DOCK2: variants seen among roughly 807,000 people sequenced by gnomAD.
DOCK2 encodes dedicator of cytokinesis protein 2.
Under a neutral mutation model 248.9 loss-of-function variants are expected in DOCK2, and 87 were observed. The observed-to-expected ratio is 0.35, with a 90% CI of 0.29 to 0.42. The LOEUF is 0.42. Ranked by LOEUF, DOCK2 falls within the 10% of genes least tolerant of loss-of-function variation. DOCK2 has a pLI of 1.00. For synonymous variants in DOCK2, 805 were observed against 821.6 expected (o/e 0.98, Z 0.35); for missense variants, 1,747 against 2,300.2 (o/e 0.76, Z 4.92).
At chr5:169,893,756 C>T (rs1773430260) in intron 27 of DOCK2, among the ~76,000 whole-genome samples, 1 of 152,202 alleles carries the variant, frequency 6.6e-6, no homozygotes, top group Admixed American at 6.5e-5. Flanking sequence ...CAGATTTACT[C>T]ATAGGGTACA....
chr5:169,750,623 C>G (rs1763847442), intron 23 of DOCK2, among the ~76,000 whole-genome samples: 1 of 152,110 alleles, frequency 6.6e-6, no homozygotes, highest in South Asian at 2.1e-4. Flanking sequence ...CCTTGCTTTC[C>G]TTATAATTTG....
chr5:169,693,938 T>TACAAC (rs1760452485), intron 9 of DOCK2, among the ~76,000 whole-genome samples: 1 of 152,208 alleles, frequency 6.6e-6, no homozygotes. Context: ...TCTCCTTTAC[T>TACAAC]TAGTCAGCTG....
At chr5:169,711,321 C>A (rs1403046472) in intron 15 of DOCK2, among the ~76,000 whole-genome samples, 1 of 152,154 alleles carries the variant, frequency 6.6e-6, no homozygotes, top group Non-Finnish European at 1.5e-5. Flanking sequence ...GAAAGCATCA[C>A]AATCAGTGGT....
intron 27 of DOCK2, among the ~76,000 whole-genome samples, chr5:169,930,102 T>A (rs1429862453): frequency 1.3e-5 from 2 of 152,206 alleles, no homozygotes; most frequent in Non-Finnish European, 2.9e-5. Flanking sequence ...GTGATTCCCC[T>A]GCCTCAGCCT....
chr5:169,894,535 A>G (rs1773481893), intron 27 of DOCK2, among the ~76,000 whole-genome samples: 1 of 152,184 alleles, frequency 6.6e-6, no homozygotes, highest in Admixed American at 6.5e-5. Context: ...CCCTGCCTAC[A>G]CTGAAGAATT....
At chr5:170,011,245 C>T (rs929054119) in intron 32 of DOCK2, among the ~76,000 whole-genome samples, 5 of 152,174 alleles carry the variant, frequency 3.3e-5, no homozygotes, top group Non-Finnish European at 5.9e-5. Flanking sequence ...GCCCTGAGCA[C>T]TGCAGAGAAC....
chr5:169,833,021 G>A (rs904482368), intron 26 of DOCK2, among the ~76,000 whole-genome samples: 9 of 152,098 alleles, frequency 5.9e-5, no homozygotes, highest in Non-Finnish European at 1.2e-4. Context: ...GGAAGCAGTG[G>A]CCCCCTCAAT....
At chr5:169,986,666 C>T (rs932180042) in intron 29 of DOCK2, among the ~76,000 whole-genome samples, 20 of 152,144 alleles carry the variant, frequency 1.3e-4, no homozygotes, top group Non-Finnish European at 2.6e-4. Flanking sequence ...TGGATTTCCC[C>T]AAGCCTCTCT....
chr5:169,686,009 G>T (rs574418567), intron 8 of DOCK2, among the ~76,000 whole-genome samples: 1 of 152,294 alleles, frequency 6.6e-6, no homozygotes, highest in South Asian at 2.1e-4. Flanking sequence ...TTTTTATTAT[G>T]CACCAAAGTC....
At chr5:169,747,775 T>C (rs2113690523) in intron 23 of DOCK2, among the ~76,000 whole-genome samples, 1 of 152,300 alleles carries the variant, frequency 6.6e-6, no homozygotes, top group Non-Finnish European at 1.5e-5. Flanking sequence ...CCACTTCCAA[T>C]GGAGAGAACA....
In DOCK2 at chr5:169,784,476, T is replaced by C. The variant is rs567870279; in HGVS notation, c.2555-18582T>C. 5.8e-4 allele frequency among the ~76,000 whole-genome samples: 89 copies of C among 152,352 alleles called. 2 individuals carry two copies. In the South Asian group the frequency reaches 0.018, roughly 30 times the overall value. ...AAAGTTAGGAATCCAGATTTTAGTT[T>C]CTTTCTTTCATTTGCAGAGTAAGCA... is the stretch of plus-strand genomic sequence containing the variant. On this transcript the variant is annotated intron_variant, in intron 25 of 51. Coordinates refer to ENST00000520908, the MANE Select transcript of DOCK2 (RefSeq NM_004946.3).
chr5:169,977,012 A>G (rs995866543), intron 27 of DOCK2, among the ~76,000 whole-genome samples: 4 of 152,348 alleles, frequency 2.6e-5, no homozygotes, highest in East Asian at 1.9e-4. Flanking sequence ...TGTCCTGGGT[A>G]ACCAAAGAAT....
chr5:169,883,957 G>A lies in DOCK2; in HGVS notation c.2799+43105G>A, dbSNP rs1772824099. On this transcript the variant is annotated intron_variant, in intron 27 of 51. Coordinates refer to ENST00000520908, the MANE Select transcript of DOCK2 (RefSeq NM_004946.3). ...TTCTCCTAGGCACATCTCCCCTTAG[G>A]TCTTTGGAGCAGTATCTAATGATAG... 5 of 1,403,152 alleles carry A rather than the reference G, an allele frequency of 3.6e-6. No individual in the cohort carries two copies. In the Admixed American group the frequency reaches 1.4e-4, roughly 40 times the overall value. 86.9% of individuals were successfully genotyped at this position (1,403,152 alleles called of 1,614,324 possible). A position where few individuals can be genotyped will look rare whatever the true frequency, so the allele number is the denominator to read the frequency against.
chr5:169,852,237 T>C (rs1470306157), intron 27 of DOCK2, among the ~76,000 whole-genome samples: 1 of 152,114 alleles, frequency 6.6e-6, no homozygotes, highest in East Asian at 1.9e-4. Context: ...GCTGGACAAA[T>C]CTGATTTGAG....
chr5:169,790,904 TGCC>T (rs1412326399), intron 25 of DOCK2, among the ~76,000 whole-genome samples: 3 of 152,184 alleles, frequency 2.0e-5, no homozygotes, highest in Non-Finnish European at 2.9e-5. Context: ...CTACTTACTA[TGCC>T]ATGCCTTCCT....
chr5:169,998,268 CTA>C (rs1237308333), intron 30 of DOCK2, among the ~76,000 whole-genome samples: 4 of 152,228 alleles, frequency 2.6e-5, no homozygotes, highest in Non-Finnish European at 5.9e-5. Flanking sequence ...CACAACAACT[CTA>C]TGCTCTGTAC....
At chr5:169,807,254 G>T (rs1014788333) in intron 26 of DOCK2, among the ~76,000 whole-genome samples, 1 of 152,134 alleles carries the variant, frequency 6.6e-6, no homozygotes, top group African/African-American at 2.4e-5. Context: ...TGTTGAGCAG[G>T]TCTCAAACCT....
intron 26 of DOCK2, among the ~76,000 whole-genome samples, chr5:169,837,911 G>A (rs1209884964): frequency 6.6e-6 from 1 of 151,940 alleles, no homozygotes; most frequent in Admixed American, 6.6e-5. Context: ...AAGAAGAAAT[G>A]GCTATTTAAA....
chr5:169,916,266 T>C (rs1161943782), intron 27 of DOCK2, among the ~76,000 whole-genome samples: 2 of 152,228 alleles, frequency 1.3e-5, no homozygotes, highest in Non-Finnish European at 2.9e-5. Flanking sequence ...TAATTCTAGG[T>C]GTGTTTGTCC....
Sources: gnomAD v4.1 joint callset for allele counts (sites outside exome capture counted in the v4.1 genomes callset) on GRCh38, gnomAD v4.1.1 for gene constraint, MANE v1.5 for transcripts, NCBI Gene and HGNC (gene_info 2026-07-23, HGNC 2026-07-21) for gene names.